Variants in PTPRD observed in about 807,000 individuals in gnomAD.
The protein encoded by PTPRD is protein tyrosine phosphatase receptor type D.
In PTPRD, 34 loss-of-function variants were observed where a neutral mutation model predicts 214.5. The observed-to-expected ratio is 0.16, with a 90% CI of 0.12 to 0.21. The LOEUF (loss-of-function observed/expected upper bound fraction) is 0.21. Ranked by LOEUF, PTPRD falls within the 10% of genes least tolerant of loss-of-function variation. The probability of loss-of-function intolerance (pLI) is 1.00; values close to 1 mark genes in which losing one functional copy is unlikely to be tolerated. For missense variants in PTPRD, 2,545 were observed against 2,398.7 expected (o/e 1.06, Z -1.27); for synonymous variants, 1,128 against 845.7 (o/e 1.33, Z -5.79).
intron 9 of PTPRD, among the ~76,000 whole-genome samples, chr9:9,304,317 T>C (rs1393341911): frequency 6.6e-6 from 1 of 152,160 alleles, no homozygotes; most frequent in African/African-American, 2.4e-5. Flanking sequence ...TTGAGTAAAG[T>C]GATCATGATA....
At chr9:8,532,110 G>T (rs1808762758) in intron 14 of PTPRD, among the ~76,000 whole-genome samples, 1 of 151,928 alleles carries the variant, frequency 6.6e-6, no homozygotes, top group Admixed American at 6.6e-5. Context: ...ATCCCCCTTT[G>T]CACAGAATCT....
At chr9:9,046,544 C>T (rs145781305) in intron 10 of PTPRD, among the ~76,000 whole-genome samples, 137 of 152,256 alleles carry the variant, frequency 9.0e-4, no homozygotes, top group African/African-American at 3.1e-3. Context: ...TTGTTACTAA[C>T]GTCTTCCTAT....
At chr9:8,744,200 A>G (rs2092495218) in intron 11 of PTPRD, among the ~76,000 whole-genome samples, 1 of 152,192 alleles carries the variant, frequency 6.6e-6, no homozygotes, top group African/African-American at 2.4e-5. Context: ...ACTGTTGACA[A>G]GAATGTAAAC....
intron 10 of PTPRD, among the ~76,000 whole-genome samples, chr9:9,130,820 G>A (rs1325848027): frequency 1.3e-5 from 2 of 152,110 alleles, no homozygotes; most frequent in East Asian, 1.9e-4. Flanking sequence ...GGCCTCAGGG[G>A]TACCAGTTTT....
chr9:10,124,020 T>TGGAA (rs1056238908), intron 3 of PTPRD, among the ~76,000 whole-genome samples: 5 of 152,186 alleles, frequency 3.3e-5, no homozygotes, highest in Non-Finnish European at 7.3e-5. Context: ...GTGGAAACCC[T>TGGAA]GGAAGGAACA....
chr9:10,017,254 C>T (rs529445555), intron 4 of PTPRD, among the ~76,000 whole-genome samples: 1 of 152,050 alleles, frequency 6.6e-6, no homozygotes, highest in Non-Finnish European at 1.5e-5. Context: ...AAGCTATTAA[C>T]TTGTAAAATT....
chr9:9,554,117 G>A (rs1269729311), intron 8 of PTPRD, among the ~76,000 whole-genome samples: 9 of 152,114 alleles, frequency 5.9e-5, no homozygotes, highest in African/African-American at 2.2e-4. Context: ...TATTTCATGG[G>A]ATATGTGGGC....
chr9:10,521,554 T>G (rs754054065), intron 2 of PTPRD, among the ~76,000 whole-genome samples: 6 of 152,174 alleles, frequency 3.9e-5, no homozygotes, highest in Non-Finnish European at 8.8e-5. Flanking sequence ...ATAGTCAAAG[T>G]GCCATCAGAG....
At chr9:9,855,838 C>G (rs541303272) in intron 5 of PTPRD, among the ~76,000 whole-genome samples, 1 of 152,184 alleles carries the variant, frequency 6.6e-6, no homozygotes, top group African/African-American at 2.4e-5. Context: ...GGCTTTTTAG[C>G]TCTGCAGTCC....
At position 9,434,963 on chromosome 9, in the gene PTPRD, C is replaced by T. The variant is rs186033768; in HGVS notation, c.-236-37481G>A. 7.6e-3 allele frequency among the ~76,000 whole-genome samples: 1,142 copies of T among 150,918 alleles called. 5 individuals are homozygous for T. The highest frequency in any genetic ancestry group is 0.056 in the Middle Eastern group (16 of 288). Reference sequence around the variant, plus strand: ...TAGACTTTGATAATAATACCTGTCTCTTCATAGAATTCTTTGTCATTGAAT... The same window carrying T: ...TAGACTTTGATAATAATACCTGTCTTTTCATAGAATTCTTTGTCATTGAAT... On this transcript the variant is annotated intron_variant, in intron 8 of 45. Coordinates refer to ENST00000381196, the MANE Select transcript of PTPRD (RefSeq NM_002839.4).
intron 11 of PTPRD, among the ~76,000 whole-genome samples, chr9:8,743,705 G>C (rs1055444027): frequency 2.0e-5 from 3 of 151,796 alleles, no homozygotes; most frequent in Non-Finnish European, 4.4e-5. Flanking sequence ...AAGACTTCAT[G>C]ACCAAGAACC....
At chr9:10,082,861 A>ACT (rs1010778400) in intron 3 of PTPRD, among the ~76,000 whole-genome samples, 1 of 151,062 alleles carries the variant, frequency 6.6e-6, no homozygotes, top group African/African-American at 2.4e-5. Flanking sequence ...ACACACACAC[A>ACT]CACCCTAGAT....
chr9:9,352,103 C>T (rs954894318), intron 9 of PTPRD, among the ~76,000 whole-genome samples: 2 of 151,834 alleles, frequency 1.3e-5, no homozygotes, highest in Admixed American at 6.6e-5. Flanking sequence ...AGCCTCTGCA[C>T]CTGGCCCTTG....
At chr9:8,396,522 A>T (rs2091217812) in intron 36 of PTPRD, among the ~76,000 whole-genome samples, 1 of 152,148 alleles carries the variant, frequency 6.6e-6, no homozygotes, top group African/African-American at 2.4e-5. Context: ...ATTAAAAAAA[A>T]CAAAAAAGCT....
intron 14 of PTPRD, among the ~76,000 whole-genome samples, chr9:8,592,463 G>A (rs1374080211): frequency 6.6e-6 from 1 of 152,168 alleles, no homozygotes; most frequent in Non-Finnish European, 1.5e-5. Context: ...GACTTGAATA[G>A]CTCTGGGAAC....
intron 3 of PTPRD, among the ~76,000 whole-genome samples, chr9:10,338,061 A>T (rs1323494): frequency 6.6e-6 from 1 of 151,540 alleles, no homozygotes; most frequent in African/African-American, 2.4e-5. Context: ...AAGTTTATTC[A>T]TATCATATGA....
At chr9:8,629,416 T>C (rs558968251) in intron 14 of PTPRD, among the ~76,000 whole-genome samples, 2 of 152,012 alleles carry the variant, frequency 1.3e-5, no homozygotes, top group South Asian at 4.1e-4. Flanking sequence ...TTCCTGCTGA[T>C]ATCTTTAGTC....
Position 10,327,435 on chromosome 9 carries a change from T to G in PTPRD, c.-545+13528A>C, listed in dbSNP as rs1335775210. Among the ~76,000 whole-genome samples, 16 of 151,546 alleles carry G rather than the reference T, an allele frequency of 1.1e-4. No individual in the cohort carries two copies. The East Asian group carries it at 2.2e-3, about 20-fold the overall frequency. On this transcript the variant is annotated intron_variant, in intron 3 of 45. Transcript: ENST00000381196. Reference sequence around the variant, plus strand: ...CTATTATCTATCACTTCCCAATAATTGCTAATTAAAGGAATTATTGTAAGG... The same window carrying G: ...CTATTATCTATCACTTCCCAATAATGGCTAATTAAAGGAATTATTGTAAGG...
At chr9:9,381,370 T>A (rs535863940) in intron 9 of PTPRD, among the ~76,000 whole-genome samples, 5 of 133,046 alleles carry the variant, frequency 3.8e-5, no homozygotes, top group Non-Finnish European at 4.7e-5. Context: ...TTTTTTTTTT[T>A]ATTTTTTTTT....
Sources: allele counts gnomAD v4.1 joint callset (sites outside exome capture counted in the v4.1 genomes callset), GRCh38; gene constraint gnomAD v4.1.1; transcripts MANE v1.5; gene names NCBI Gene and HGNC (gene_info 2026-07-23, HGNC 2026-07-21).